The following PTPRD variants were observed in gnomAD, a reference collection of about 807,000 sequenced individuals.
PTPRD encodes protein tyrosine phosphatase receptor type D, also known as receptor-type tyrosine-protein phosphatase delta.
In PTPRD, 34 loss-of-function variants were observed where a neutral mutation model predicts 214.5. That is an observed-to-expected ratio of 0.16 (90% CI 0.12 to 0.21). The LOEUF (loss-of-function observed/expected upper bound fraction) is 0.21, where lower values mean the gene tolerates loss of function less well. PTPRD is among the 10% of genes least tolerant of loss of function. The probability of loss-of-function intolerance (pLI) is 1.00; values close to 1 mark genes in which losing one functional copy is unlikely to be tolerated. For missense variants in PTPRD, 2,545 were observed against 2,398.7 expected, an observed-to-expected ratio of 1.06 and a Z score of -1.27; for synonymous variants, 1,128 against 845.7, an observed-to-expected ratio of 1.33 and a Z score of -5.79.
chr9:9,998,129 A>AAAATAGATATAT, intron 4 of PTPRD, among the ~76,000 whole-genome samples: 1 of 91,496 alleles, frequency 1.1e-5, no homozygotes, highest in Middle Eastern at 5.7e-3. Context: ...AAAAAAAAAA[A>AAAATAGATATAT]ATATATATAT....
intron 5 of PTPRD, among the ~76,000 whole-genome samples, chr9:9,776,893 A>C (rs1438376957): frequency 6.6e-6 from 1 of 152,220 alleles, no homozygotes; most frequent in African/African-American, 2.4e-5. Context: ...AATTTTACAC[A>C]CACATTTTCC....
chr9:8,534,253 C>G (rs1343671007), intron 14 of PTPRD, among the ~76,000 whole-genome samples: 2 of 151,834 alleles, frequency 1.3e-5, no homozygotes, highest in Admixed American at 1.3e-4. Context: ...CATGACAAAA[C>G]CACATGTATA....
At position 8,698,317 on chromosome 9, in the gene PTPRD, T is replaced by C. The variant is rs115320643; in HGVS notation, c.64+35463A>G. Among the ~76,000 whole-genome samples the C allele has an allele frequency of 2.7e-3, 414 of 152,278 alleles. 1 individual carries two copies. Among genetic ancestry groups the C allele is most frequent in the African/African-American group, 9.7e-3 (402 of 41,548 alleles). On this transcript the variant is annotated intron_variant, in intron 12 of 45. Transcript: ENST00000381196. ...GACTATCCATTTTTGAAAATGCTGG[T>C]GAAAATCAAGAATCAAGGACAGCGA...
At chr9:9,803,071 C>T (rs566133596) in intron 5 of PTPRD, among the ~76,000 whole-genome samples, 11 of 151,778 alleles carry the variant, frequency 7.2e-5, no homozygotes, top group East Asian at 3.9e-4. Flanking sequence ...ATATGCATAT[C>T]GGTTTATTGT....
chr9:10,029,440 G>A (rs1483359163), intron 4 of PTPRD, among the ~76,000 whole-genome samples: 2 of 152,198 alleles, frequency 1.3e-5, no homozygotes, highest in Non-Finnish European at 2.9e-5. Flanking sequence ...GCAGCTGGGA[G>A]GGAGGCTATA....
intron 7 of PTPRD, among the ~76,000 whole-genome samples, chr9:9,729,302 C>G (rs915400957): frequency 2.0e-5 from 3 of 152,092 alleles, no homozygotes; most frequent in Non-Finnish European, 4.4e-5. Context: ...TGTGGCTCTA[C>G]TGTCTCAAAT....
intron 12 of PTPRD, among the ~76,000 whole-genome samples, chr9:8,690,909 G>A (rs2097787658): frequency 6.6e-6 from 1 of 152,120 alleles, no homozygotes; most frequent in Non-Finnish European, 1.5e-5. Context: ...ATATTAAGCA[G>A]ACTTAATAAT....
chr9:10,572,840 A>G (rs1408251675), intron 2 of PTPRD, among the ~76,000 whole-genome samples: 1 of 152,116 alleles, frequency 6.6e-6, no homozygotes, highest in Non-Finnish European at 1.5e-5. Flanking sequence ...AACAGTGTCC[A>G]TCCACAGAGC....
chr9:10,368,276 C>A (rs1008336226), intron 2 of PTPRD, among the ~76,000 whole-genome samples: 1 of 151,908 alleles, frequency 6.6e-6, no homozygotes, highest in South Asian at 2.1e-4. Context: ...AAATGTAATA[C>A]AAAAAGAAGT....
intron 11 of PTPRD, among the ~76,000 whole-genome samples, chr9:8,801,933 G>C (rs1298688470): frequency 6.6e-6 from 1 of 152,152 alleles, no homozygotes; most frequent in Admixed American, 6.6e-5. Flanking sequence ...GAGGAGATGG[G>C]AGAGGAGGGA....
In PTPRD at chr9:9,377,853, T is replaced by G. The variant is rs540705455; in HGVS notation, c.-203+19596A>C. ...TAGGCATACTTCTTAAAATAATATTTTAACTCTCAAGAAGAAAGCACCTCT... is the reference window on the plus strand; with the variant it reads ...TAGGCATACTTCTTAAAATAATATTGTAACTCTCAAGAAGAAAGCACCTCT... On this transcript the variant is annotated intron_variant, in intron 9 of 45. Transcript: ENST00000381196. Among the ~76,000 whole-genome samples, 12 of 150,776 alleles carry G rather than the reference T, an allele frequency of 8.0e-5. No individual in the cohort carries two copies. In the Middle Eastern group the frequency reaches 0.01, roughly 131 times the overall value.
chr9:8,508,089 C>G (rs1197493845), intron 21 of PTPRD, among the ~76,000 whole-genome samples: 2 of 152,144 alleles, frequency 1.3e-5, no homozygotes, highest in African/African-American at 2.4e-5. Context: ...CTAATACAAA[C>G]AAAATATCCT....
chr9:9,788,485 G>A (rs1281154034), intron 5 of PTPRD, among the ~76,000 whole-genome samples: 1 of 148,424 alleles, frequency 6.7e-6, no homozygotes, highest in Non-Finnish European at 1.5e-5. Context: ...CCGGGAGGCA[G>A]AGCTTGCAGT....
chr9:9,931,180 A>G (rs927138202), intron 5 of PTPRD, among the ~76,000 whole-genome samples: 1 of 152,198 alleles, frequency 6.6e-6, no homozygotes, highest in African/African-American at 2.4e-5. Flanking sequence ...TTGTAACAAC[A>G]AGTTAAAAAT....
intron 10 of PTPRD, among the ~76,000 whole-genome samples, chr9:9,125,686 A>G (rs903998679): frequency 6.6e-6 from 1 of 152,204 alleles, no homozygotes; most frequent in East Asian, 1.9e-4. Context: ...AATTCAGCTA[A>G]TATTTACTGA....
chr9:8,651,640 A>C (rs2096811721), intron 12 of PTPRD, among the ~76,000 whole-genome samples: 1 of 152,180 alleles, frequency 6.6e-6, no homozygotes, highest in South Asian at 2.1e-4. Context: ...CTGAGGAGAA[A>C]ATGTTTCATT....
chr9:9,215,536 G>C (rs181462367), intron 9 of PTPRD, among the ~76,000 whole-genome samples: 232 of 152,250 alleles, frequency 1.5e-3, no homozygotes, highest in Non-Finnish European at 3.1e-3. Flanking sequence ...GGGGAGAAAA[G>C]GGAAAGACTG....
chr9:9,410,717 G>C (rs1395103500), intron 8 of PTPRD, among the ~76,000 whole-genome samples: 1 of 152,118 alleles, frequency 6.6e-6, no homozygotes, highest in Non-Finnish European at 1.5e-5. Flanking sequence ...CTGTATTTTA[G>C]TTTTGTTATT....
intron 2 of PTPRD, among the ~76,000 whole-genome samples, chr9:10,533,042 G>A (rs1311914857): frequency 1.3e-5 from 2 of 152,020 alleles, no homozygotes; most frequent in Non-Finnish European, 2.9e-5. Flanking sequence ...TCTCCAGATA[G>A]GGTGAGTTCT....
Sources: allele counts gnomAD v4.1 joint callset (sites outside exome capture counted in the v4.1 genomes callset), GRCh38; gene constraint gnomAD v4.1.1; transcripts MANE v1.5; gene names NCBI Gene and HGNC (gene_info 2026-07-23, HGNC 2026-07-21).